Variants in ANKRD17 observed in about 807,000 individuals in gnomAD.
ANKRD17 encodes ankyrin repeat domain-containing protein 17.
In ANKRD17, 19 loss-of-function variants were observed where a neutral mutation model predicts 229.7. That is an observed-to-expected ratio of 0.08 (90% confidence interval 0.06 to 0.12). ANKRD17 has a LOEUF of 0.12. Among genes scored for constraint, ANKRD17 ranks in the 10% least tolerant of loss-of-function variants. ANKRD17 has a pLI of 1.00. For synonymous variants in ANKRD17, 1,112 were observed against 1,146.1 expected (o/e 0.97, Z 0.60); for missense variants, 2,176 against 3,176.8 (o/e 0.68, Z 7.57).
At chr4:73,240,195 T>C (rs1743887653) in intron 1 of ANKRD17, among the ~76,000 whole-genome samples, 1 of 152,130 alleles carries the variant, frequency 6.6e-6, no homozygotes, top group Non-Finnish European at 1.5e-5. Flanking sequence ...ACTATATAGA[T>C]GCTGGCATTG....
intron 1 of ANKRD17, among the ~76,000 whole-genome samples, chr4:73,187,840 A>C (rs1275743455): frequency 6.6e-6 from 1 of 152,236 alleles, no homozygotes; most frequent in Non-Finnish European, 1.5e-5. Context: ...GCCAGGATTC[A>C]AATGAAATAA....
chr4:73,181,519 G>A (rs1275935468), intron 1 of ANKRD17, among the ~76,000 whole-genome samples: 1 of 152,076 alleles, frequency 6.6e-6, no homozygotes, highest in African/African-American at 2.4e-5. Flanking sequence ...GGCATAAAGA[G>A]ATGCAATCTT....
chr4:73,148,127 C>T (rs1730530701), intron 8 of ANKRD17, among the ~76,000 whole-genome samples: 1 of 152,138 alleles, frequency 6.6e-6, no homozygotes, highest in South Asian at 2.1e-4. Flanking sequence ...AAGTCTGCTC[C>T]AAAACCTACG....
At chr4:73,098,040 C>T in intron 26 of ANKRD17, 33 bp downstream of exon 26, 2 of 1,543,472 alleles carry the variant, frequency 1.3e-6, no homozygotes, top group Non-Finnish European at 1.8e-6. Flanking sequence ...CATGATGACA[C>T]TATAAATATT....
chr4:73,224,296 G>A lies in ANKRD17; in HGVS notation c.393+33980C>T, dbSNP rs569538689. On this transcript the variant is annotated intron_variant, in intron 1 of 33. Coordinates refer to ENST00000358602, the MANE Select transcript of ANKRD17 (RefSeq NM_032217.5). ...TCTAAACTGAGAAAAGTGATGTGAT[G>A]ATGTGCATGACATTGCTGGTACTAT... Among the ~76,000 whole-genome samples the A allele has an allele frequency of 4.6e-5, 7 of 152,288 alleles. No homozygotes were observed. In the East Asian group the frequency reaches 1.4e-3, roughly 29 times the overall value.
chr4:73,109,762 C>T (rs1039342095), intron 24 of ANKRD17, among the ~76,000 whole-genome samples: 12 of 151,616 alleles, frequency 7.9e-5, no homozygotes, highest in African/African-American at 2.4e-4. Flanking sequence ...TTTCTCGACA[C>T]GTTTAGTTAC....
At chr4:73,121,961 T>C (rs1166148865) in intron 18 of ANKRD17, among the ~76,000 whole-genome samples, 5 of 152,092 alleles carry the variant, frequency 3.3e-5, no homozygotes, top group African/African-American at 7.2e-5. Flanking sequence ...GTAAAACCCA[T>C]GTAGAAATCC....
At chr4:73,145,523 C>A (rs1219003261) in intron 10 of ANKRD17, among the ~76,000 whole-genome samples, 1 of 152,040 alleles carries the variant, frequency 6.6e-6, no homozygotes, top group Non-Finnish European at 1.5e-5. Flanking sequence ...TTTTGTATGG[C>A]ATTTTTTATT....
intron 1 of ANKRD17, among the ~76,000 whole-genome samples, chr4:73,238,676 T>C (rs1743737829): frequency 1.3e-5 from 2 of 152,082 alleles, no homozygotes; most frequent in African/African-American, 2.4e-5. Flanking sequence ...ACGGTATTCA[T>C]ACAGATCTGT....
intron 1 of ANKRD17, among the ~76,000 whole-genome samples, chr4:73,211,823 G>C (rs1196277079): frequency 6.9e-6 from 1 of 145,042 alleles, no homozygotes; most frequent in East Asian, 2.0e-4. Context: ...CTCCAACCTA[G>C]GCAACAAGAG....
intron 21 of ANKRD17, 147 bp downstream of exon 21, chr4:73,120,015 A>T: frequency 1.2e-6 from 1 of 816,154 alleles, no homozygotes; most frequent in Non-Finnish European, 2.0e-6. Flanking sequence ...GGGTTGGAAA[A>T]CAATGGGTAG....
At chr4:73,224,015 G>T (rs1024151251) in intron 1 of ANKRD17, among the ~76,000 whole-genome samples, 1 of 152,164 alleles carries the variant, frequency 6.6e-6, no homozygotes, top group Non-Finnish European at 1.5e-5. Context: ...ACTTGGGGAG[G>T]CTGAGGCGAG....
intron 1 of ANKRD17, among the ~76,000 whole-genome samples, chr4:73,183,494 C>T (rs867251589): frequency 2.0e-5 from 3 of 152,038 alleles, no homozygotes; most frequent in South Asian, 2.1e-4. Flanking sequence ...CACTCTGTCA[C>T]GCAGGCTGGA....
chr4:73,085,214 C>G, intron 30 of ANKRD17, 35 bp downstream of exon 30: 1 of 1,592,156 alleles, frequency 6.3e-7, no homozygotes. Context: ...AAAACATATG[C>G]AGATTCTTAT....
chr4:73,098,690 T>TGTACCCACGTTCTGTTCAAAGAATAGCAG lies in ANKRD17; in HGVS notation c.4574-199_4574-171dup, dbSNP rs1723588658. ...AGCTGGATAGGACTGATATACTCTGTGTACCCACGTTCTGTTCAAAGAATA... is the reference window on the plus strand; with the variant it reads ...AGCTGGATAGGACTGATATACTCTGTGTACCCACGTTCTGTTCAAAGAATAGCAGGTACCCACGTTCTGTTCAAAGAATA... On this transcript the variant is annotated intron_variant, in intron 25 of 33. Coordinates refer to ENST00000358602, the MANE Select transcript of ANKRD17 (RefSeq NM_032217.5). 3 of 844,754 alleles carry TGTACCCACGTTCTGTTCAAAGAATAGCAG rather than the reference T, an allele frequency of 3.6e-6. No individual in the cohort carries two copies. The South Asian group carries it at 4.6e-5, about 13-fold the overall frequency. 52.3% of individuals were successfully genotyped at this position (844,754 alleles called of 1,614,324 possible).
chr4:73,250,589 C>CAAAAAAAAAAAAAAAAAA (rs35160047), intron 1 of ANKRD17, among the ~76,000 whole-genome samples: 27 of 29,410 alleles, frequency 9.2e-4, no homozygotes, highest in African/African-American at 2.5e-3. Flanking sequence ...GACCTTGTCT[C>CAAAAAAAAAAAAAAAAAA]AAAAAAAAAA....
chr4:73,092,357 G>GTA lies in ANKRD17; in HGVS notation c.5328-58_5328-57insTA. The GTA allele has an allele frequency of 2.1e-6, 3 of 1,422,260 alleles. No individual in the cohort carries two copies. The Middle Eastern group carries it at 6.5e-4, about 309-fold the overall frequency. 88.1% of individuals were successfully genotyped at this position (1,422,260 alleles called of 1,614,324 possible). A position where few individuals can be genotyped will look rare whatever the true frequency, so the allele number is the denominator to read the frequency against. On this transcript the variant is annotated intron_variant, in intron 28 of 33. Transcript: ENST00000358602. ...TTTTCCCTACTTTTGAGTATGTAAA[G>GTA]TGTTTTTAATATGTATTTATGTACA...
At chr4:73,094,655 TTATATATACATATATGTATATATAGACA>T (rs1479726695) in intron 27 of ANKRD17, among the ~76,000 whole-genome samples, 3 of 151,034 alleles carry the variant, frequency 2.0e-5, no homozygotes, top group Non-Finnish European at 4.4e-5. Flanking sequence ...CACAAATGTA[TTATATATACATATATGTATATATAGACA>T]TATATATGTA....
At chr4:73,208,200 A>C (rs1739766651) in intron 1 of ANKRD17, among the ~76,000 whole-genome samples, 3 of 151,552 alleles carry the variant, frequency 2.0e-5, no homozygotes, top group Admixed American at 2.0e-4. Context: ...AAAAAAAAAA[A>C]AAAAAAAAAA....
Sources: allele counts gnomAD v4.1 joint callset (sites outside exome capture counted in the v4.1 genomes callset), GRCh38; gene constraint gnomAD v4.1.1; transcripts MANE v1.5; gene names NCBI Gene and HGNC (gene_info 2026-07-23, HGNC 2026-07-21).